Variants in NPAS3 observed in about 807,000 individuals in gnomAD.
The protein encoded by NPAS3 is neuronal PAS domain protein 3, also known as neuronal PAS domain-containing protein 3.
A neutral mutation model predicts 73.1 loss-of-function variants in NPAS3; 14 were observed. That is an observed-to-expected ratio of 0.19 (90% CI 0.13 to 0.30). The LOEUF is 0.30. NPAS3 is among the 10% of genes least tolerant of loss of function. The pLI, the probability that NPAS3 is intolerant of heterozygous loss-of-function variation, is 1.00. For missense variants in NPAS3, 1,096 were observed against 1,250.0 expected (o/e 0.88, Z 1.86); for synonymous variants, 620 against 541.5 (o/e 1.14, Z -2.01).
At chr14:33,026,406 G>T (rs924709591) in intron 1 of NPAS3, among the ~76,000 whole-genome samples, 12 of 152,152 alleles carry the variant, frequency 7.9e-5, no homozygotes, top group Non-Finnish European at 1.8e-4. Flanking sequence ...CCTTGTATCT[G>T]CAGTCTTTGC....
intron 4 of NPAS3, among the ~76,000 whole-genome samples, chr14:33,387,281 C>A (rs551579319): frequency 1.3e-5 from 2 of 152,160 alleles, no homozygotes; most frequent in African/African-American, 4.8e-5. Flanking sequence ...TCCACAGAGG[C>A]AGCTTGGGTA....
At chr14:32,959,258 T>C (rs79074403) in intron 1 of NPAS3, among the ~76,000 whole-genome samples, 353 of 152,320 alleles carry the variant, frequency 2.3e-3, no homozygotes, top group African/African-American at 7.0e-3. Context: ...GCTTTGCTTC[T>C]TTTGCCCCAG....
At chr14:33,427,287 C>G (rs1259482528) in intron 4 of NPAS3, among the ~76,000 whole-genome samples, 1 of 146,022 alleles carries the variant, frequency 6.8e-6, no homozygotes, top group Non-Finnish European at 1.5e-5. Flanking sequence ...CCATACTGAA[C>G]CTCAAGCCTG....
At chr14:33,181,737 T>A (rs2045806105) in intron 2 of NPAS3, among the ~76,000 whole-genome samples, 1 of 152,194 alleles carries the variant, frequency 6.6e-6, no homozygotes, top group Non-Finnish European at 1.5e-5. Flanking sequence ...AAAAGTGGAA[T>A]GTCTCTCATC....
At chr14:33,415,048 A>AT (rs1480537155) in intron 4 of NPAS3, among the ~76,000 whole-genome samples, 2 of 152,122 alleles carry the variant, frequency 1.3e-5, no homozygotes, top group Non-Finnish European at 2.9e-5. Context: ...CACAAAATCT[A>AT]TATTTTTCAA....
At chr14:33,401,102 A>C (rs1378026785) in intron 4 of NPAS3, among the ~76,000 whole-genome samples, 1 of 152,160 alleles carries the variant, frequency 6.6e-6, no homozygotes, top group Non-Finnish European at 1.5e-5. Context: ...AGATGTTAGA[A>C]AATTGCCTTT....
intron 1 of NPAS3, among the ~76,000 whole-genome samples, chr14:33,034,217 C>T (rs528813274): frequency 3.2e-4 from 49 of 151,910 alleles, no homozygotes; most frequent in Middle Eastern, 3.6e-3. Flanking sequence ...TACATGAAAT[C>T]AGAAGCTAAA....
At chr14:33,595,429 T>C (rs1192488264) in intron 5 of NPAS3, among the ~76,000 whole-genome samples, 2 of 152,312 alleles carry the variant, frequency 1.3e-5, no homozygotes, top group South Asian at 2.1e-4. Flanking sequence ...TAATTTCTTC[T>C]TAAATTATAT....
At chr14:33,485,201 C>T (rs990781961) in intron 4 of NPAS3, among the ~76,000 whole-genome samples, 4 of 152,140 alleles carry the variant, frequency 2.6e-5, no homozygotes, top group African/African-American at 9.7e-5. Context: ...TGCTTAGCCT[C>T]ATCTTTGTGT....
intron 1 of NPAS3, among the ~76,000 whole-genome samples, chr14:33,054,699 G>A (rs1294167973): frequency 6.7e-6 from 1 of 149,334 alleles, no homozygotes; most frequent in Non-Finnish European, 1.5e-5. Flanking sequence ...TGCAAACTCT[G>A]CCTCCCAGAT....
chr14:33,752,113 C>G (rs1333417907), intron 7 of NPAS3, among the ~76,000 whole-genome samples: 1 of 151,856 alleles, frequency 6.6e-6, no homozygotes, highest in Admixed American at 6.6e-5. Context: ...CAAAGAAAAC[C>G]TCTCCCTTTC....
intron 2 of NPAS3, among the ~76,000 whole-genome samples, chr14:33,210,280 A>T (rs1232041138): frequency 6.6e-6 from 1 of 152,212 alleles, no homozygotes; most frequent in Non-Finnish European, 1.5e-5. Flanking sequence ...CCTCTTATCC[A>T]GCTTCATGGT....
At chr14:33,308,694 C>T (rs1349162952) in intron 3 of NPAS3, among the ~76,000 whole-genome samples, 2 of 151,332 alleles carry the variant, frequency 1.3e-5, no homozygotes, top group African/African-American at 4.9e-5. Flanking sequence ...AGGTATGTTC[C>T]TTAAATAATT....
intron 5 of NPAS3, among the ~76,000 whole-genome samples, chr14:33,623,259 G>A (rs2058129865): frequency 6.6e-6 from 1 of 152,144 alleles, no homozygotes; most frequent in African/African-American, 2.4e-5. Context: ...AGCCCACAAA[G>A]TACAATGGAC....
At chr14:33,076,015 A>T (rs2138681594) in intron 2 of NPAS3, among the ~76,000 whole-genome samples, 1 of 152,282 alleles carries the variant, frequency 6.6e-6, no homozygotes, top group South Asian at 2.1e-4. Flanking sequence ...AATAATATGT[A>T]TTTTTGCATT....
At chr14:32,998,717 G>A (rs2038684214) in intron 1 of NPAS3, among the ~76,000 whole-genome samples, 3 of 152,090 alleles carry the variant, frequency 2.0e-5, no homozygotes, top group South Asian at 2.1e-4. Context: ...AGTTGCTGTT[G>A]CCAAAACACT....
chr14:33,525,020 A>G (rs959719652), intron 4 of NPAS3, among the ~76,000 whole-genome samples: 1 of 152,194 alleles, frequency 6.6e-6, no homozygotes, highest in East Asian at 1.9e-4. Flanking sequence ...TAACATATGA[A>G]TTTGGGAGAG....
At chr14:33,267,522 G>T (rs1240558901) in intron 3 of NPAS3, among the ~76,000 whole-genome samples, 1 of 152,086 alleles carries the variant, frequency 6.6e-6, no homozygotes, top group Non-Finnish European at 1.5e-5. Flanking sequence ...CACTCCAAAT[G>T]CTTATGAAAT....
upstream of NPAS3, among the ~76,000 whole-genome samples, chr14:32,938,457 A>AAGAGAGAGAGAGAGAGAGAG (rs139406191): frequency 8.7e-5 from 6 of 68,632 alleles, no homozygotes; most frequent in African/African-American, 3.3e-4. Context: ...CCCAACGAGA[A>AAGAGAGAGAGAGAGAGAGAG]AGAGAGAGAG....
Sources: allele counts gnomAD v4.1 joint callset (sites outside exome capture counted in the v4.1 genomes callset), GRCh38; gene constraint gnomAD v4.1.1; transcripts MANE v1.5; gene names NCBI Gene and HGNC (gene_info 2026-07-23, HGNC 2026-07-21).